Variants in SLC14A2 observed in about 807,000 individuals in gnomAD.
The protein encoded by SLC14A2 is solute carrier family 14 member 2.
SLC14A2 carries 91 observed loss-of-function variants against 104.6 expected under a neutral mutation model. That is an observed-to-expected ratio of 0.87 (90% confidence interval 0.73 to 1.04). The LOEUF is 1.04. Among genes scored for constraint, SLC14A2 ranks in the 50% least tolerant of loss-of-function variants. SLC14A2 has a pLI of 0.00. For missense variants in SLC14A2, 1,189 were observed against 1,156.0 expected (o/e 1.03, Z -0.41); for synonymous variants, 476 against 466.4 (o/e 1.02, Z -0.27).
At chr18:45,661,622 T>G (rs2045937864) in intron 10 of SLC14A2, among the ~76,000 whole-genome samples, 1 of 152,152 alleles carries the variant, frequency 6.6e-6, no homozygotes, top group Non-Finnish European at 1.5e-5. Context: ...AGTTCTGAGT[T>G]TATGATTCTA....
intron 1 of SLC14A2, among the ~76,000 whole-genome samples, chr18:45,461,466 A>G (rs962347002): frequency 3.3e-5 from 5 of 152,200 alleles, no homozygotes; most frequent in Non-Finnish European, 5.9e-5. Context: ...CTAGACTACA[A>G]TCTATTCCTT....
intron 4 of SLC14A2, among the ~76,000 whole-genome samples, chr18:45,628,497 C>A (rs2045297976): frequency 6.6e-6 from 1 of 151,980 alleles, no homozygotes; most frequent in Non-Finnish European, 1.5e-5. Context: ...CACTCCTCCC[C>A]CTTCCTCTCA....
chr18:45,256,998 C>G (rs1397919982), intron 1 of SLC14A2, among the ~76,000 whole-genome samples: 5 of 152,224 alleles, frequency 3.3e-5, no homozygotes, highest in South Asian at 4.1e-4. Context: ...ATTGTATGCT[C>G]TAATGTGGAT....
At chr18:45,170,008 G>GA in the SLC14A2 span, among the ~76,000 whole-genome samples, 1 of 152,164 alleles carries the variant, frequency 6.6e-6, no homozygotes, top group Non-Finnish European at 1.5e-5. Context: ...AAGAGACAGA[G>GA]AAAAAATTTC....
At chr18:45,357,688 G>A (rs949624019) in intron 1 of SLC14A2, among the ~76,000 whole-genome samples, 1 of 152,152 alleles carries the variant, frequency 6.6e-6, no homozygotes, top group African/African-American at 2.4e-5. Flanking sequence ...AGGCAGAGGA[G>A]GGAAGAGAAG....
At chr18:45,173,163 G>T in the SLC14A2 span, among the ~76,000 whole-genome samples, 1 of 152,116 alleles carries the variant, frequency 6.6e-6, no homozygotes, top group East Asian at 1.9e-4. Flanking sequence ...CTTTGTCAGG[G>T]ATACTGTATA....
chr18:45,288,253 A>G (rs1306323416), intron 1 of SLC14A2, among the ~76,000 whole-genome samples: 1 of 152,168 alleles, frequency 6.6e-6, no homozygotes, highest in Non-Finnish European at 1.5e-5. Flanking sequence ...CAAAAACTCA[A>G]GCAAACCTCA....
Position 45,379,061 on chromosome 18 carries a change from C to T in SLC14A2, c.-124-104172C>T, listed in dbSNP as rs988360235. On this transcript the variant is annotated intron_variant, in intron 1 of 20. Coordinates refer to the SLC14A2 transcript ENST00000586448. ...TTGTTAATCCTCGAATTCTCTGCCCCACTTTTACTTTTACCCAAACCCGAA... is the reference window on the plus strand; with the variant it reads ...TTGTTAATCCTCGAATTCTCTGCCCTACTTTTACTTTTACCCAAACCCGAA... 6.6e-5 allele frequency among the ~76,000 whole-genome samples: 10 copies of T among 152,296 alleles called. No individual in the cohort carries two copies. In the South Asian group the frequency reaches 1.5e-3, roughly 22 times the overall value.
intron 1 of SLC14A2, among the ~76,000 whole-genome samples, chr18:45,232,991 G>A (rs1482264612): frequency 6.6e-6 from 1 of 152,236 alleles, no homozygotes; most frequent in Non-Finnish European, 1.5e-5. Context: ...TTAATTGTCT[G>A]TAGGAGATTT....
chr18:45,267,520 A>T (rs2084604611), intron 1 of SLC14A2, among the ~76,000 whole-genome samples: 1 of 152,206 alleles, frequency 6.6e-6, no homozygotes, highest in South Asian at 2.1e-4. Context: ...ATCAATAGGC[A>T]ATCATTTTCA....
chr18:45,367,063 A>T (rs1483241245), intron 1 of SLC14A2, among the ~76,000 whole-genome samples: 2 of 152,242 alleles, frequency 1.3e-5, no homozygotes, highest in Non-Finnish European at 2.9e-5. Context: ...AGCAGCATGT[A>T]AATGAAGAAA....
chr18:45,172,874 G>A, the SLC14A2 span, among the ~76,000 whole-genome samples: 1 of 152,072 alleles, frequency 6.6e-6, no homozygotes, highest in African/African-American at 2.4e-5. Context: ...CACTTTTACT[G>A]TTAAATAAAC....
intron 1 of SLC14A2, among the ~76,000 whole-genome samples, chr18:45,456,385 C>G (rs998480859): frequency 4.6e-5 from 7 of 152,336 alleles, no homozygotes; most frequent in Non-Finnish European, 5.9e-5. Flanking sequence ...TCCTCTTATC[C>G]ATTTTATGCT....
At chr18:45,383,572 G>A (rs1369331918) in intron 1 of SLC14A2, among the ~76,000 whole-genome samples, 2 of 152,096 alleles carry the variant, frequency 1.3e-5, no homozygotes, top group Non-Finnish European at 2.9e-5. Context: ...TTTCATGTAG[G>A]CAATATTTAC....
At chr18:45,280,843 C>T (rs12604632) in intron 1 of SLC14A2, among the ~76,000 whole-genome samples, 4,113 of 152,240 alleles carry the variant, frequency 0.027, 135 homozygotes, top group East Asian at 0.086. Context: ...AAATGCAATT[C>T]TGCCCTTCTC....
At chr18:45,603,885 A>G (rs781105098) in intron 2 of SLC14A2, among the ~76,000 whole-genome samples, 2 of 152,274 alleles carry the variant, frequency 1.3e-5, no homozygotes, top group Non-Finnish European at 2.9e-5. Flanking sequence ...GAGAGGGTCT[A>G]AGAGTCAGAA....
chr18:45,171,171 A>G, the SLC14A2 span, among the ~76,000 whole-genome samples: 1 of 152,152 alleles, frequency 6.6e-6, no homozygotes, highest in East Asian at 1.9e-4. Flanking sequence ...TTTATCACAC[A>G]TATGTTCATG....
chr18:45,492,329 T>C (rs946342287), intron 2 of SLC14A2, among the ~76,000 whole-genome samples: 4 of 152,210 alleles, frequency 2.6e-5, no homozygotes, highest in African/African-American at 4.8e-5. Flanking sequence ...GCGTAGTTTA[T>C]AAACAAAGGA....
chr18:45,206,102 G>A, the SLC14A2 span, among the ~76,000 whole-genome samples: 1 of 152,178 alleles, frequency 6.6e-6, no homozygotes, highest in African/African-American at 2.4e-5. Flanking sequence ...GTGAGATAGT[G>A]GTCACTGAAA....
Sources: gnomAD v4.1 joint callset for allele counts (sites outside exome capture counted in the v4.1 genomes callset) on GRCh38, gnomAD v4.1.1 for gene constraint, MANE v1.5 for transcripts, NCBI Gene and HGNC (gene_info 2026-07-23, HGNC 2026-07-21) for gene names.